The following PCDHA10 variants were observed in gnomAD, a reference collection of about 807,000 sequenced individuals.
The protein encoded by PCDHA10 is protocadherin alpha-10.
PCDHA10 carries 45 observed loss-of-function variants against 61.2 expected under a neutral mutation model. That is an observed-to-expected ratio of 0.74 (90% confidence interval 0.58 to 0.94). The LOEUF is 0.94. Ranked by LOEUF, PCDHA10 falls within the 40% of genes least tolerant of loss-of-function variation. PCDHA10 has a pLI of 0.00. For missense variants in PCDHA10, 1,278 were observed against 1,236.2 expected (o/e 1.03, Z -0.51); for synonymous variants, 602 against 548.8 (o/e 1.10, Z -1.35).
intron 1 of PCDHA10, chr5:140,871,259 C>A (rs1554165338): frequency 3.1e-6 from 5 of 1,613,958 alleles, no homozygotes; most frequent in Non-Finnish European, 4.2e-6. Context: ...CTGTATACGG[C>A]GCTGTGGTGG....
chr5:140,940,551 T>C (rs2092639776), intron 1 of PCDHA10, among the ~76,000 whole-genome samples: 1 of 152,214 alleles, frequency 6.6e-6, no homozygotes, highest in African/African-American at 2.4e-5. Context: ...TGGGCTCAAG[T>C]GATTCTCCTA....
chr5:140,968,328 A>AT (rs1554230627), intron 1 of PCDHA10: 1 of 1,614,076 alleles, frequency 6.2e-7, no homozygotes, highest in South Asian at 1.1e-5. Flanking sequence ...GTCACCTCCT[A>AT]TGTCTCCATT....
intron 1 of PCDHA10, chr5:140,930,393 CTT>C (rs879960332): frequency 4.1e-5 from 6 of 145,282 alleles, no homozygotes; most frequent in Admixed American, 6.9e-5. Flanking sequence ...TTCAAAACTT[CTT>C]TTTTTTTTTT....
intron 1 of PCDHA10, among the ~76,000 whole-genome samples, chr5:140,900,046 G>A (rs896570608): frequency 2.4e-4 from 36 of 152,294 alleles, no homozygotes; most frequent in Admixed American, 1.6e-3. Context: ...CTGGGCTCAA[G>A]TGATCCTTTA....
chr5:140,887,047 C>G (rs530605993), intron 1 of PCDHA10, among the ~76,000 whole-genome samples: 1 of 151,882 alleles, frequency 6.6e-6, no homozygotes, highest in African/African-American at 2.4e-5. Flanking sequence ...TTTTATAGTG[C>G]ATATGTTCTG....
At chr5:140,994,004 C>T (rs1366489476) in intron 3 of PCDHA10, among the ~76,000 whole-genome samples, 3 of 152,186 alleles carry the variant, frequency 2.0e-5, no homozygotes, top group Non-Finnish European at 2.9e-5. Context: ...AGGCCAGGCT[C>T]TGTTCTAGGT....
intron 1 of PCDHA10, chr5:140,862,381 C>G (rs191367875): frequency 4.0e-5 from 14 of 346,954 alleles, no homozygotes; most frequent in Non-Finnish European, 7.4e-5. Flanking sequence ...TGACTCCTCA[C>G]GTCTCTTCAA....
intron 1 of PCDHA10, among the ~76,000 whole-genome samples, chr5:140,888,860 A>C (rs1349587487): frequency 6.6e-6 from 1 of 152,086 alleles, no homozygotes; most frequent in Non-Finnish European, 1.5e-5. Flanking sequence ...GAGTGAGACC[A>C]TGTCTCAACA....
At chr5:140,913,945 A>T (rs2076523304) in intron 1 of PCDHA10, among the ~76,000 whole-genome samples, 1 of 152,086 alleles carries the variant, frequency 6.6e-6, no homozygotes, top group Non-Finnish European at 1.5e-5. Flanking sequence ...AAGAATCTTG[A>T]TATGATATCA....
In PCDHA10 at chr5:141,011,182, G is replaced by C. The variant is rs887034679; in HGVS notation, c.*1245G>C. The C allele has an allele frequency of 6.5e-6, 1 of 153,494 alleles. No individual in the cohort carries two copies. Among genetic ancestry groups the C allele is most frequent in the African/African-American group, 2.4e-5 (1 of 41,364 alleles). The allele number at this position is 153,494 out of a possible 1,614,324, so 9.5% of individuals were successfully genotyped here. A position where few individuals can be genotyped will look rare whatever the true frequency, so the allele number is the denominator to read the frequency against. On this transcript the variant is annotated 3_prime_UTR_variant, in exon 4 of 4. Coordinates refer to ENST00000307360, the MANE Select transcript of PCDHA10 (RefSeq NM_018901.4). The stretch of plus-strand genomic sequence containing the variant: ...TATATATCAAGACCCAAAAATTGAA[G>C]AAAAATATTGTTTTCTCATACAGTG...
chr5:140,864,161 T>A (rs1267371347), intron 1 of PCDHA10: 3 of 152,188 alleles, frequency 2.0e-5, no homozygotes, highest in African/African-American at 7.2e-5. Context: ...AGTTAAATCT[T>A]ACCGGAAGGA....
intron 1 of PCDHA10, among the ~76,000 whole-genome samples, chr5:140,891,064 A>T (rs1442139760): frequency 6.6e-6 from 1 of 152,206 alleles, no homozygotes; most frequent in East Asian, 1.9e-4. Flanking sequence ...AGTAAATATT[A>T]TTCCAGTGTC....
chr5:140,876,334 A>T (rs782377581), intron 1 of PCDHA10: 3 of 1,614,030 alleles, frequency 1.9e-6, no homozygotes, highest in Admixed American at 1.7e-5. Context: ...TTTGCCAGTG[A>T]GTGAGAAATG....
intron 1 of PCDHA10, among the ~76,000 whole-genome samples, chr5:140,916,285 G>A (rs530335868): frequency 1.2e-4 from 18 of 152,154 alleles, no homozygotes; most frequent in Non-Finnish European, 2.4e-4. Flanking sequence ...TCTACTCCAC[G>A]TGGCCAAACT....
chr5:140,861,426 T>G (rs1451953787), intron 1 of PCDHA10: 8 of 485,290 alleles, frequency 1.6e-5, no homozygotes, highest in South Asian at 1.1e-4. Flanking sequence ...CCTGTTTCAG[T>G]TGGATTCCAA....
intron 1 of PCDHA10, among the ~76,000 whole-genome samples, chr5:140,937,867 G>A (rs1009502911): frequency 7.9e-5 from 12 of 151,142 alleles, no homozygotes; most frequent in African/African-American, 1.2e-4. Flanking sequence ...AGCCGAGATC[G>A]CGCCACTGCA....
At chr5:140,884,320 A>T in intron 1 of PCDHA10, 1 of 1,613,806 alleles carries the variant, frequency 6.2e-7, no homozygotes, top group Non-Finnish European at 8.5e-7. Context: ...GGGCGTCGGC[A>T]GGCGCTGTGG....
intron 3 of PCDHA10, among the ~76,000 whole-genome samples, chr5:140,993,043 A>G (rs1402138607): frequency 1.3e-5 from 2 of 152,186 alleles, no homozygotes; most frequent in Non-Finnish European, 2.9e-5. Context: ...TGTGTCATCA[A>G]GATGTCAATC....
At chr5:140,927,964 G>A in intron 1 of PCDHA10, 1 of 1,614,230 alleles carries the variant, frequency 6.2e-7, no homozygotes, top group South Asian at 1.1e-5. Context: ...CCCTGGCACA[G>A]TGATTGCTCT....
Sources: allele counts gnomAD v4.1 joint callset (sites outside exome capture counted in the v4.1 genomes callset), GRCh38; gene constraint gnomAD v4.1.1; transcripts MANE v1.5; gene names NCBI Gene and HGNC (gene_info 2026-07-23, HGNC 2026-07-21).